The following PARD3B variants were observed in gnomAD, a reference collection of about 807,000 sequenced individuals.
The protein encoded by PARD3B is par-3 family cell polarity regulator beta.
A neutral mutation model predicts 130.2 loss-of-function variants in PARD3B; 103 were observed. The observed-to-expected ratio is 0.79, with a 90% CI of 0.67 to 0.93. The LOEUF (loss-of-function observed/expected upper bound fraction) is 0.93, where lower values mean the gene tolerates loss of function less well. Ranked by LOEUF, PARD3B falls within the 40% of genes least tolerant of loss-of-function variation. PARD3B has a pLI of 0.00. For synonymous variants in PARD3B, 583 were observed against 553.2 expected, an observed-to-expected ratio of 1.05 and a Z score of -0.76; for missense variants, 1,609 against 1,499.2, an observed-to-expected ratio of 1.07 and a Z score of -1.21.
rs1340167012 is a variant in PARD3B, at chr2:205,258,283, G to A, written c.2185+12461G>A. On this transcript the variant is annotated intron_variant, in intron 16 of 22. Coordinates refer to ENST00000406610, the MANE Select transcript of PARD3B (RefSeq NM_001302769.2). This position sits in a 1 kb window ranked among gnomAD's most constrained non-coding sequence, Gnocchi z 4.9. ...TTCCCGAGCCACCGTCACCTGGAGA[G>A]CTTCAGTGAGGAAAACTCTCCTCAG... is the stretch of plus-strand genomic sequence containing the variant. Among the ~76,000 whole-genome samples the A allele has an allele frequency of 1.3e-5, 2 of 152,146 alleles. No individual in the cohort carries two copies. The highest frequency in any genetic ancestry group is 2.9e-5 in the Non-Finnish European group (2 of 68,030).
At chr2:205,333,850 T>C (rs1488673673) in intron 18 of PARD3B, among the ~76,000 whole-genome samples, 1 of 152,084 alleles carries the variant, frequency 6.6e-6, no homozygotes, top group East Asian at 1.9e-4. Context: ...TATTCTGGTA[T>C]GTCAGGAGTT....
At chr2:204,622,992 T>C (rs2034358708) in intron 1 of PARD3B, among the ~76,000 whole-genome samples, 1 of 152,210 alleles carries the variant, frequency 6.6e-6, no homozygotes, top group African/African-American at 2.4e-5. Context: ...TATGCCTCTT[T>C]CATTTGCTTA....
intron 2 of PARD3B, among the ~76,000 whole-genome samples, chr2:204,899,257 C>A (rs1390247334): frequency 8.0e-6 from 1 of 125,672 alleles, no homozygotes. Context: ...TCCCTCCCTC[C>A]CTTCCTTCCT....
rs1009752136 is a variant in PARD3B at position 205,559,173 on chromosome 2, A to G, written c.3260+5770A>G. Reference sequence around the variant, plus strand: ...CACCCAAGTGTTGCTGGATGGTCTGATCTCATCTGTTGCCCACGTTGGAGT... The same window carrying G: ...CACCCAAGTGTTGCTGGATGGTCTGGTCTCATCTGTTGCCCACGTTGGAGT... On this transcript the variant is annotated intron_variant, in intron 22 of 22. Transcript: ENST00000406610. Among the ~76,000 whole-genome samples, 3 of 152,078 alleles carry G rather than the reference A, an allele frequency of 2.0e-5. No homozygotes were observed. In the East Asian group the frequency reaches 5.8e-4, roughly 29 times the overall value.
intron 2 of PARD3B, among the ~76,000 whole-genome samples, chr2:204,830,413 G>A (rs775005191): frequency 1.1e-4 from 16 of 152,074 alleles, no homozygotes; most frequent in Non-Finnish European, 1.8e-4. Flanking sequence ...AATTATTTGT[G>A]CTATTTAGCT....
chr2:204,585,080 G>T (rs1332362157), intron 1 of PARD3B, among the ~76,000 whole-genome samples: 10 of 152,186 alleles, frequency 6.6e-5, no homozygotes, highest in Admixed American at 6.5e-4. Context: ...CAAGACTCTA[G>T]AGGGGGCTAG....
rs574779512 is a variant in PARD3B, at chr2:204,775,137, G to A, written c.222+88855G>A. ...TTGTTTATGGAGGATGATTTTGTTG[G>A]GTAACTTAAAAATCCAGGGGTTAAA... On this transcript the variant is annotated intron_variant, in intron 2 of 22. Transcript: ENST00000406610. 3.0e-4 allele frequency among the ~76,000 whole-genome samples: 46 copies of A among 152,012 alleles called. 1 individual carries two copies. The highest frequency in any genetic ancestry group is 1.1e-3 in the African/African-American group (46 of 41,474).
chr2:205,204,224 T>C (rs1390316318), intron 15 of PARD3B, among the ~76,000 whole-genome samples: 1 of 152,260 alleles, frequency 6.6e-6, no homozygotes, highest in African/African-American at 2.4e-5. Flanking sequence ...CTTTTCTTCA[T>C]ATGTTTGTTG....
chr2:205,061,633 G>C (rs1368802737), intron 4 of PARD3B, among the ~76,000 whole-genome samples: 1 of 151,964 alleles, frequency 6.6e-6, no homozygotes, highest in Non-Finnish European at 1.5e-5. Context: ...AAGTAAGTTG[G>C]AGAGTAATCT....
intron 2 of PARD3B, among the ~76,000 whole-genome samples, chr2:204,713,875 G>A (rs571131902): frequency 1.6e-4 from 25 of 152,020 alleles, no homozygotes; most frequent in South Asian, 1.0e-3. Flanking sequence ...AGTTCCCCAA[G>A]AAGTTCTTGT....
intron 10 of PARD3B, among the ~76,000 whole-genome samples, chr2:205,132,742 A>G: frequency 6.6e-6 from 1 of 152,200 alleles, no homozygotes; most frequent in East Asian, 1.9e-4. Flanking sequence ...AATTTCATTT[A>G]GCCTTTCAGT....
chr2:205,231,538 T>C (rs2038839264), intron 15 of PARD3B, among the ~76,000 whole-genome samples: 1 of 151,012 alleles, frequency 6.6e-6, no homozygotes, highest in Non-Finnish European at 1.5e-5. Flanking sequence ...GGTTTTGCCA[T>C]GTTGCCCAGG....
intron 2 of PARD3B, among the ~76,000 whole-genome samples, chr2:204,811,848 A>AAG (rs1030577112): frequency 1.3e-5 from 2 of 152,020 alleles, no homozygotes; most frequent in African/African-American, 4.8e-5. Context: ...GTTTGCATAA[A>AAG]CCTTTTCTCC....
intron 4 of PARD3B, among the ~76,000 whole-genome samples, chr2:205,056,434 C>CATAT (rs1251487207): frequency 6.6e-6 from 1 of 151,900 alleles, no homozygotes; most frequent in Non-Finnish European, 1.5e-5. Context: ...CTTGTGGAAA[C>CATAT]ATATAGCATC....
intron 2 of PARD3B, among the ~76,000 whole-genome samples, chr2:204,847,870 TC>T: frequency 6.6e-6 from 1 of 152,322 alleles, no homozygotes; most frequent in Non-Finnish European, 1.5e-5. Context: ...GTTGCTAAGA[TC>T]TGTCACAAGA....
chr2:204,877,402 A>C (rs1263668970), intron 2 of PARD3B, among the ~76,000 whole-genome samples: 2 of 152,190 alleles, frequency 1.3e-5, no homozygotes, highest in African/African-American at 4.8e-5. Context: ...ATAATAAAAA[A>C]ATTAAAAAAA....
rs533771014 is a variant in PARD3B at position 204,680,741 on chromosome 2, A to G, written c.121-5440A>G. ...TATTTTCTCATTGCCTTTATTTTTC[A>G]TCTATGGATTTTTCAGTACTGTATT... On this transcript the variant is annotated intron_variant, in intron 1 of 22. Coordinates refer to ENST00000406610, the MANE Select transcript of PARD3B (RefSeq NM_001302769.2). Among the ~76,000 whole-genome samples the G allele has an allele frequency of 1.6e-4, 24 of 151,856 alleles. 1 individual carries two copies. The South Asian group carries it at 4.8e-3, about 30-fold the overall frequency.
intron 20 of PARD3B, among the ~76,000 whole-genome samples, chr2:205,484,519 T>C (rs1366038459): frequency 6.6e-6 from 1 of 152,150 alleles, no homozygotes; most frequent in Non-Finnish European, 1.5e-5. Context: ...GAAGCTAAAG[T>C]TGTTGGTTTA....
intron 4 of PARD3B, among the ~76,000 whole-genome samples, chr2:205,067,307 C>T (rs1700455930): frequency 6.6e-6 from 1 of 151,662 alleles, no homozygotes; most frequent in Admixed American, 6.6e-5. Flanking sequence ...ACTACATGAG[C>T]ATGTCACCAT....
Sources: allele counts gnomAD v4.1 joint callset (sites outside exome capture counted in the v4.1 genomes callset), GRCh38; gene constraint gnomAD v4.1.1; non-coding constraint Gnocchi (gnomAD v3.1); transcripts MANE v1.5; gene names NCBI Gene and HGNC (gene_info 2026-07-23, HGNC 2026-07-21).